The following POM121C variants were observed in gnomAD, a reference collection of about 807,000 sequenced individuals.
POM121C encodes the protein POM121 transmembrane nucleoporin C, also known as nuclear envelope pore membrane protein POM 121C.
Under a neutral mutation model 66.4 loss-of-function variants are expected in POM121C, and 20 were observed. The observed-to-expected ratio is 0.30, with a 90% CI of 0.21 to 0.44. The LOEUF (loss-of-function observed/expected upper bound fraction) is 0.44, where lower values mean the gene tolerates loss of function less well. Among genes scored for constraint, POM121C ranks in the 20% least tolerant of loss-of-function variants. POM121C has a pLI of 1.00. For missense variants in POM121C, 580 were observed against 1,225.7 expected (o/e 0.47, Z 7.87); for synonymous variants, 286 against 528.0 (o/e 0.54, Z 6.28).
In POM121C at chr7:75,475,668, G is replaced by T. The variant is rs1668907; in HGVS notation, c.-457-480C>A. On this transcript the variant is annotated intron_variant, in intron 1 of 14. Coordinates refer to ENST00000615331, the MANE Select transcript of POM121C (RefSeq NM_001099415.3). ...CTAGTTTCAGCTCCTTGTTCTTTTG[G>T]CTCTTTTATTCTCATAGCCAGTGGC... Among the ~76,000 whole-genome samples, 242 of 151,184 alleles carry T rather than the reference G, an allele frequency of 1.6e-3. 3 individuals are homozygous for T. The South Asian group carries it at 0.016, about 10-fold the overall frequency.
At chr7:75,461,039 C>T (rs1278580436) in intron 3 of POM121C, among the ~76,000 whole-genome samples, 1 of 151,994 alleles carries the variant, frequency 6.6e-6, no homozygotes, top group African/African-American at 2.4e-5. Flanking sequence ...TTTCAGTGAC[C>T]ACACAAGCAC....
Position 75,425,162 on chromosome 7 carries a change from G to C in POM121C, c.680C>G (p.Ser227Trp). 6.7e-7 allele frequency: 1 copy of C among 1,492,440 alleles called. No homozygotes were observed. The highest frequency in any genetic ancestry group is 8.9e-7 in the Non-Finnish European group (1 of 1,118,232). The allele number at this position is 1,492,440 out of a possible 1,614,324, so 92.4% of individuals were successfully genotyped here. Reference sequence around the variant, plus strand: ...GCTGCCAGGTGTAGACTGAGAATTCGAGTTTTGTTTCTTCCTTGGGGTTGT... The same window carrying C: ...GCTGCCAGGTGTAGACTGAGAATTCCAGTTTTGTTTCTTCCTTGGGGTTGT... ...ADTTPRKKQN[S>W]NSQSTPGSSG... Residue 227 changes from serine to tryptophan, a missense_variant, in exon 10 of 15, where the codon TCG becomes TGG. Ser to Trp is a radical substitution (Grantham distance 177). Transcript: ENST00000615331.
chr7:75,442,697 G>A (rs1790704816), intron 3 of POM121C: 6 of 1,394,632 alleles, frequency 4.3e-6, no homozygotes, highest in South Asian at 1.6e-5. Flanking sequence ...GCCTGCTCCA[G>A]CCGCCGCAGC....
At chr7:75,435,489 G>A (rs1790368268) in intron 7 of POM121C, among the ~76,000 whole-genome samples, 1 of 152,022 alleles carries the variant, frequency 6.6e-6, no homozygotes, top group Non-Finnish European at 1.5e-5. Context: ...CAAACAACAA[G>A]TATTTTATGT....
chr7:75,433,257 A>AAG (rs1554472603), intron 7 of POM121C, among the ~76,000 whole-genome samples: 1 of 151,152 alleles, frequency 6.6e-6, no homozygotes, highest in Admixed American at 6.6e-5. Context: ...AAAAAAAAAA[A>AAG]AAAGAATGTA....
intron 3 of POM121C, among the ~76,000 whole-genome samples, chr7:75,450,964 ACT>A (rs1730460943): frequency 6.6e-6 from 1 of 151,910 alleles, no homozygotes; most frequent in South Asian, 2.1e-4. Context: ...CTTTTTAAAA[ACT>A]CTATAAATCG....
intron 5 of POM121C, 55 bp from the exon 6 acceptor site, chr7:75,439,279 T>G (rs2116402023): frequency 6.2e-7 from 1 of 1,605,330 alleles, no homozygotes; most frequent in Middle Eastern, 1.7e-4. Flanking sequence ...TTTGTCCCTT[T>G]AAAGTGTATT....
chr7:75,424,498 C>A, intron 11 of POM121C, 28 bp downstream of exon 11: 1 of 1,610,468 alleles, frequency 6.2e-7, no homozygotes, highest in Non-Finnish European at 8.5e-7. Flanking sequence ...TGAAACCTCT[C>A]GAGAGTGCAA....
chr7:75,486,142 C>G lies in POM121C; in HGVS notation c.-736G>C, dbSNP rs1263934104. 9.0e-5 allele frequency: 30 copies of G among 334,746 alleles called. No homozygotes were observed. Among genetic ancestry groups the G allele is most frequent in the African/African-American group, 6.6e-4 (28 of 42,742 alleles). The allele number at this position is 334,746 out of a possible 1,614,324, so 20.7% of individuals were successfully genotyped here. On this transcript the variant is annotated 5_prime_UTR_variant, in exon 1 of 15. Coordinates refer to ENST00000615331, the MANE Select transcript of POM121C (RefSeq NM_001099415.3). ...TCCCAGCTCGAGCCTCTACCCGGCCCGCGCGAACCCTGGGCCGCACAGCTC... is the reference window on the plus strand; with the variant it reads ...TCCCAGCTCGAGCCTCTACCCGGCCGGCGCGAACCCTGGGCCGCACAGCTC...
rs1554470280 is a variant in POM121C at position 75,419,379 on chromosome 7, C to T, written c.2807G>A (p.Ser936Asn). The change falls in exon 14 of 15, where the codon AGC (serine) becomes AAC (asparagine). Residue 936 changes from serine to asparagine, a missense_variant. Physicochemically the swap from Ser to Asn is conservative, Grantham distance 46. Transcript: ENST00000615331. ...PAPGVGTSGS[S>N]LSFGASSAPA... ...TGCTGAAGATGCCCCAAAGGAGAGG[C>T]TGCTGCCCGATGTGCCCACTCCAGG... 3.7e-6 allele frequency: 6 copies of T among 1,613,670 alleles called. No individual in the cohort carries two copies. The highest frequency in any genetic ancestry group is 5.1e-6 in the Non-Finnish European group (6 of 1,179,798).
chr7:75,450,878 C>T (rs747486489), intron 3 of POM121C, among the ~76,000 whole-genome samples: 2 of 152,174 alleles, frequency 1.3e-5, no homozygotes, highest in Non-Finnish European at 2.9e-5. Context: ...GACAAGGGAA[C>T]GTATTCAAAG....
At chr7:75,456,681 G>C (rs1275983062) in intron 3 of POM121C, among the ~76,000 whole-genome samples, 1 of 152,290 alleles carries the variant, frequency 6.6e-6, no homozygotes, top group Non-Finnish European at 1.5e-5. Flanking sequence ...AAATGGGTAG[G>C]ATGTTTCATC....
chr7:75,464,724 C>T (rs1191261414), intron 3 of POM121C, among the ~76,000 whole-genome samples: 10 of 140,436 alleles, frequency 7.1e-5, no homozygotes, highest in African/African-American at 1.6e-4. Flanking sequence ...GGCATGGTGG[C>T]GGGCACCTGT....
intron 1 of POM121C, among the ~76,000 whole-genome samples, chr7:75,485,391 G>T (rs1475301533): frequency 1.3e-5 from 2 of 152,140 alleles, no homozygotes; most frequent in African/African-American, 2.4e-5. Flanking sequence ...CCACAAAGCC[G>T]GTGACCTGGT....
chr7:75,437,486 C>A, intron 7 of POM121C, 29 bp downstream of exon 7: 1 of 1,584,724 alleles, frequency 6.3e-7, no homozygotes. Context: ...GAATTCATGC[C>A]CCCCACATTA....
At chr7:75,479,384 G>A (rs1255058170) in intron 1 of POM121C, among the ~76,000 whole-genome samples, 1 of 152,090 alleles carries the variant, frequency 6.6e-6, no homozygotes, top group African/African-American at 2.4e-5. Flanking sequence ...GGGCGGCTGA[G>A]GCAGATGGGT....
intron 3 of POM121C, among the ~76,000 whole-genome samples, chr7:75,473,682 GT>G (rs1563158243): frequency 6.6e-6 from 1 of 151,616 alleles, no homozygotes; most frequent in African/African-American, 2.4e-5. Context: ...TTGTTTGTTT[GT>G]TTGTTTGTTT....
intron 13 of POM121C, 64 bp downstream of exon 13, chr7:75,421,445 C>A: frequency 1.2e-6 from 2 of 1,607,016 alleles, no homozygotes; most frequent in South Asian, 1.1e-5. Flanking sequence ...CCCGAGACCA[C>A]AGGCTTCACA....
chr7:75,446,742 G>C (rs1201986102), intron 3 of POM121C, among the ~76,000 whole-genome samples: 1 of 151,806 alleles, frequency 6.6e-6, no homozygotes, highest in Non-Finnish European at 1.5e-5. Context: ...GGGCGCGGTG[G>C]CTCACGCCTG....
Sources: allele counts gnomAD v4.1 joint callset (sites outside exome capture counted in the v4.1 genomes callset), GRCh38; gene constraint gnomAD v4.1.1; transcripts MANE v1.5; gene names NCBI Gene and HGNC (gene_info 2026-07-23, HGNC 2026-07-21).